The following PKD2L2 variants were observed in gnomAD, a reference collection of about 807,000 sequenced individuals.
PKD2L2 encodes the protein polycystin 2 like 2, transient receptor potential cation channel, also known as polycystin-2-like protein 2.
PKD2L2 carries 67 observed loss-of-function variants against 83.9 expected under a neutral mutation model. The observed-to-expected ratio is 0.80, with a 90% CI of 0.66 to 0.98. The LOEUF (loss-of-function observed/expected upper bound fraction) is 0.98, where lower values mean the gene tolerates loss of function less well. Among genes scored for constraint, PKD2L2 ranks in the 50% least tolerant of loss-of-function variants. PKD2L2 has a pLI of 0.00. For missense variants in PKD2L2, 632 were observed against 717.2 expected (o/e 0.88, Z 1.36); for synonymous variants, 223 against 237.8 (o/e 0.94, Z 0.57).
chr5:137,889,908 A>G (rs1255068886), intron 1 of PKD2L2: 1 of 244,954 alleles, frequency 4.1e-6, no homozygotes, highest in Non-Finnish European at 7.7e-6. Context: ...GGGTGGAGAA[A>G]ACGGTTAGGA....
Position 137,923,305 on chromosome 5 carries a change from G to A in PKD2L2, c.1450-115G>A, listed in dbSNP as rs551680976. 4.3e-5 allele frequency: 25 copies of A among 580,394 alleles called. 1 individual carries two copies. Among genetic ancestry groups the A allele is most frequent in the African/African-American group, 1.3e-4 (7 of 52,958 alleles). The allele number at this position is 580,394 out of a possible 1,614,324, so 36.0% of individuals were successfully genotyped here. A position where few individuals can be genotyped will look rare whatever the true frequency, so the allele number is the denominator to read the frequency against. On this transcript the variant is annotated intron_variant, in intron 9 of 14. Transcript: ENST00000508883. ...GCTGGGATTACAGGCGTGAGCCACC[G>A]CACCTGGCCTACTTTTAAAATTTAA... is the stretch of plus-strand genomic sequence containing the variant.
At chr5:137,935,720 C>A in intron 12 of PKD2L2, 77 bp from the exon 13 acceptor site, 1 of 783,152 alleles carries the variant, frequency 1.3e-6, no homozygotes, top group South Asian at 1.7e-5. Context: ...GATCCTCAAT[C>A]CTGTGATGCT....
intron 14 of PKD2L2, among the ~76,000 whole-genome samples, chr5:137,941,272 T>A (rs2150101872): frequency 6.6e-6 from 1 of 152,204 alleles, no homozygotes; most frequent in Middle Eastern, 3.4e-3. Context: ...GCAAAGGGAA[T>A]TAAAGTACAG....
rs1474781811 is a variant in PKD2L2 at position 137,935,809 on chromosome 5, G to C, written c.1684G>C (p.Ala562Pro). The C allele has an allele frequency of 6.3e-7, 1 of 1,596,720 alleles. No homozygotes were observed. Among genetic ancestry groups the C allele is most frequent in the Non-Finnish European group, 8.6e-7 (1 of 1,164,662 alleles). ...TCTACCCTGACAGGAGATTCAAAAC[G>C]CAGAGCAGATGAAAAAATGGAAAGA... ...EGFDENEIQN[A>P]EQMKKWKERL... Residue 562 changes from alanine (A) to proline (P), a missense_variant, in exon 13 of 15, where the codon GCA becomes CCA. Around this residue, in one of 3 missense-constraint regions of PKD2L2, gnomAD observed 399 missense variants for 416.9 expected, o/e 0.96. Transcript: ENST00000508883.
intron 9 of PKD2L2, among the ~76,000 whole-genome samples, chr5:137,923,013 TTTC>T (rs1759058324): frequency 6.6e-6 from 1 of 151,214 alleles, no homozygotes; most frequent in African/African-American, 2.4e-5. Context: ...TCCTTTTTCT[TTTC>T]TTTTTTTTTT....
chr5:137,930,106 T>C (rs1314373536), intron 12 of PKD2L2, among the ~76,000 whole-genome samples: 2 of 151,764 alleles, frequency 1.3e-5, no homozygotes, highest in African/African-American at 4.8e-5. Context: ...AACAAACGGA[T>C]TAAAAAGCCC....
intron 4 of PKD2L2, among the ~76,000 whole-genome samples, chr5:137,896,680 G>A (rs1455334302): frequency 6.6e-6 from 1 of 152,094 alleles, no homozygotes; most frequent in African/African-American, 2.4e-5. Context: ...CCGAAGAGCT[G>A]GAATTACAGG....
rs143925347 is a variant in PKD2L2 at position 137,934,838 on chromosome 5, G to A, written c.1672-959G>A. On this transcript the variant is annotated intron_variant, in intron 12 of 14. Coordinates refer to ENST00000508883, the MANE Select transcript of PKD2L2 (RefSeq NM_001300921.2). The stretch of plus-strand genomic sequence containing the variant: ...TGGGAGGCTGCAGTGAGCCGAGATC[G>A]TGCCACTGCACTCCAGCCTGGGTGA... 4.6e-3 allele frequency among the ~76,000 whole-genome samples: 704 copies of A among 152,070 alleles called. 7 individuals carry two copies. The highest frequency in any genetic ancestry group is 0.01 in the Middle Eastern group (3 of 294).
intron 2 of PKD2L2, 94 bp from the exon 3 acceptor site, chr5:137,892,386 A>G (rs1393690770): frequency 8.5e-6 from 5 of 589,154 alleles, no homozygotes; most frequent in Admixed American, 4.0e-5. Flanking sequence ...AATAAAGTTT[A>G]ATTTTCAAAA....
At position 137,906,357 on chromosome 5, in the gene PKD2L2, G is replaced by A. The variant is rs868840924; in HGVS notation, c.898G>A (p.Glu300Lys). ...TTTTCTTTTTGTCTTCACAACACAAGAAGTCAAAAAAATAAAAGAATTTAA... is the reference window on the plus strand; with the variant it reads ...TTTTCTTTTTGTCTTCACAACACAAAAAGTCAAAAAAATAAAAGAATTTAA... The part of the protein sequence containing the change: ...CIFLFVFTTQ[E>K]VKKIKEFKSA... The change falls in exon 6 of 15, where the codon GAA becomes AAA. Residue 300 changes from glutamate (E) to lysine (K), a missense_variant. Coordinates refer to ENST00000508883, the MANE Select transcript of PKD2L2 (RefSeq NM_001300921.2). 2 of 1,609,518 alleles carry A rather than the reference G, an allele frequency of 1.2e-6. No individual in the cohort carries two copies. The highest frequency in any genetic ancestry group is 1.1e-5 in the South Asian group (1 of 90,668).
At chr5:137,932,889 C>T (rs533365721) in intron 12 of PKD2L2, among the ~76,000 whole-genome samples, 28 of 152,102 alleles carry the variant, frequency 1.8e-4, no homozygotes, top group African/African-American at 6.3e-4. Flanking sequence ...TTCAGATTTC[C>T]GATTAGGGAT....
chr5:137,937,345 A>G (rs1419918968), intron 14 of PKD2L2, among the ~76,000 whole-genome samples: 3 of 152,228 alleles, frequency 2.0e-5, no homozygotes, highest in Non-Finnish European at 4.4e-5. Flanking sequence ...AGGTTTCCCA[A>G]AAATAAAATA....
At chr5:137,922,330 G>C (rs1156750097) in intron 9 of PKD2L2, among the ~76,000 whole-genome samples, 1 of 152,216 alleles carries the variant, frequency 6.6e-6, no homozygotes, top group African/African-American at 2.4e-5. Context: ...AGGTGAGCTG[G>C]TGGGGTAAGA....
intron 14 of PKD2L2, chr5:137,937,983 T>C (rs1039016992): frequency 3.9e-5 from 6 of 152,170 alleles, no homozygotes; most frequent in Admixed American, 1.3e-4. Context: ...GTTCTTTTAT[T>C]ATAAAAGTCT....
intron 8 of PKD2L2, among the ~76,000 whole-genome samples, chr5:137,919,022 C>A (rs1758650420): frequency 6.6e-6 from 1 of 151,574 alleles, no homozygotes; most frequent in Admixed American, 6.6e-5. Flanking sequence ...TTCTATACAT[C>A]AAGCAGGGAG....
chr5:137,935,938 T>G, intron 13 of PKD2L2, 29 bp downstream of exon 13: 1 of 1,183,736 alleles, frequency 8.4e-7, no homozygotes, highest in South Asian at 1.3e-5. Flanking sequence ...CAGACTATTA[T>G]GGGATATCAT....
chr5:137,890,513 G>A lies in PKD2L2; in HGVS notation c.64G>A (p.Glu22Lys). ...GAAACATAAGTTGCATTACAGAAAGGAAGTAGAAATTACAACCACACTTCA... is the reference window on the plus strand; with the variant it reads ...GAAACATAAGTTGCATTACAGAAAGAAAGTAGAAATTACAACCACACTTCA... ...ASKHKLHYRK[E>K]VEITTTLQEL... The change falls in exon 2 of 15, where the codon GAA (glutamate) becomes AAA (lysine). Residue 22 changes from glutamate (E) to lysine (K), a missense_variant. Physicochemically the swap from Glu to Lys is moderately conservative, Grantham distance 56 (BLOSUM62 1). Around this residue, in one of 3 missense-constraint regions of PKD2L2, gnomAD observed 229 missense variants for 281.5 expected, o/e 0.81. Transcript: ENST00000508883. 11 of 1,590,524 alleles carry A rather than the reference G, an allele frequency of 6.9e-6. No individual in the cohort carries two copies. The South Asian group carries it at 1.2e-4, about 17-fold the overall frequency.
intron 11 of PKD2L2, among the ~76,000 whole-genome samples, chr5:137,925,504 T>TA (rs1320662002): frequency 6.6e-6 from 1 of 152,226 alleles, no homozygotes; most frequent in Non-Finnish European, 1.5e-5. Flanking sequence ...AAAGTCCCTC[T>TA]AAAAAGGTTA....
At chr5:137,934,227 T>C (rs1186129837) in intron 12 of PKD2L2, among the ~76,000 whole-genome samples, 2 of 151,888 alleles carry the variant, frequency 1.3e-5, no homozygotes, top group African/African-American at 2.4e-5. Flanking sequence ...CACCAAAGAG[T>C]TGGTGCTCAG....
Sources: allele counts gnomAD v4.1 joint callset (sites outside exome capture counted in the v4.1 genomes callset), GRCh38; gene constraint gnomAD v4.1.1; regional missense constraint gnomAD v4.1.1; transcripts MANE v1.5; gene names NCBI Gene and HGNC (gene_info 2026-07-23, HGNC 2026-07-21).